The following OR2M3 variants were observed in gnomAD, a reference collection of about 807,000 sequenced individuals.
The protein encoded by OR2M3 is olfactory receptor family 2 subfamily M member 3.
In OR2M3, 1 loss-of-function variant was observed where a neutral mutation model predicts 4.3. That is an observed-to-expected ratio of 0.23 (90% CI 0.08 to 1.11). The LOEUF is 1.11. Among genes scored for constraint, OR2M3 ranks in the 50% most tolerant of loss-of-function variants. The pLI is 0.54. For missense variants in OR2M3, 410 were observed against 390.4 expected, an observed-to-expected ratio of 1.05 and a Z score of -0.42; for synonymous variants, 151 against 139.4, an observed-to-expected ratio of 1.08 and a Z score of -0.59.
chr1:248,203,870 C>T lies in OR2M3; in HGVS notation c.803C>T (p.Pro268Leu). The T allele has an allele frequency of 6.2e-7, 1 of 1,613,786 alleles. No homozygotes were observed. The highest frequency in any genetic ancestry group is 8.5e-7 in the Non-Finnish European group (1 of 1,179,872). ...MYIRPTSDRS[P>L]TQDKMVSVFY... ...ATACGGCCCACATCTGATCGCTCCC[C>T]AACACAGGACAAGATGGTGTCTGTA... The change falls in exon 2 of 2, where the codon CCA becomes CTA. Residue 268 changes from proline to leucine, a missense_variant. By Grantham distance (98) the Pro-to-Leu change is moderately conservative (BLOSUM62 -3). Coordinates refer to ENST00000641626, the MANE Select transcript of OR2M3 (RefSeq NM_001004689.2).
Position 248,203,575 on chromosome 1 carries a change from G to T in OR2M3, c.508G>T (p.Gly170Trp). The change falls in exon 2 of 2, where the codon GGG (glycine) becomes TGG (tryptophan). Residue 170 changes from glycine to tryptophan, a missense_variant. Coordinates refer to ENST00000641626, the MANE Select transcript of OR2M3 (RefSeq NM_001004689.2). ...AGCAACATTTTCCTTCTCCTACTGT[G>T]GGTCTCGGGAAATAGCCCACTTCTT... is the stretch of plus-strand genomic sequence containing the variant. ...VVATFSFSYC[G>W]SREIAHFFCD... is the part of the protein sequence containing the mutation. 6.2e-7 allele frequency: 1 copy of T among 1,613,666 alleles called. No homozygotes were observed. Among genetic ancestry groups the T allele is most frequent in the Non-Finnish European group, 8.5e-7 (1 of 1,179,802 alleles).
In OR2M3 at chr1:248,203,849, G is replaced by A. The variant is rs145845024; in HGVS notation, c.782G>A (p.Arg261Gln). The change falls in exon 2 of 2, where the codon CGG becomes CAG. Residue 261 changes from arginine (R) to glutamine (Q), a missense_variant. Transcript: ENST00000641626. ...YYGAALFMYI[R>Q]PTSDRSPTQD... The stretch of plus-strand genomic sequence containing the variant: ...GGAGCAGCTTTGTTCATGTACATAC[G>A]GCCCACATCTGATCGCTCCCCAACA... 57 of 1,613,276 alleles carry A rather than the reference G, an allele frequency of 3.5e-5. No homozygotes were observed. In the Middle Eastern group the frequency reaches 5.0e-4, roughly 14 times the overall value.
chr1:248,204,772 G>T lies in OR2M3; in HGVS notation c.*766G>T, dbSNP rs1230434628. On this transcript the variant is annotated 3_prime_UTR_variant, in exon 2 of 2. Transcript: ENST00000641626. ...ACATGCATGTGCAGGTATCTTTTTTGTATAATAACTTCTTTTCCTCTGTGT... is the reference window on the plus strand; with the variant it reads ...ACATGCATGTGCAGGTATCTTTTTTTTATAATAACTTCTTTTCCTCTGTGT... The T allele has an allele frequency of 6.6e-6, 1 of 151,868 alleles. No homozygotes were observed. The highest frequency in any genetic ancestry group is 1.9e-4 in the East Asian group (1 of 5,180). The allele number at this position is 151,868 out of a possible 1,614,324, so 9.4% of individuals were successfully genotyped here. A position where few individuals can be genotyped will look rare whatever the true frequency, so the allele number is the denominator to read the frequency against.
In OR2M3 at chr1:248,204,102, A is replaced by C; in HGVS notation, c.*96A>C. On this transcript the variant is annotated 3_prime_UTR_variant, in exon 2 of 2. Transcript: ENST00000641626. ...GCCTTGAAAATGGGATTCATTGTGT[A>C]CATAAATCTGCAATGACATATTTAT... 1 of 1,175,250 alleles carries C rather than the reference A, an allele frequency of 8.5e-7. No individual in the cohort carries two copies. Among genetic ancestry groups the C allele is most frequent in the South Asian group, 1.4e-5 (1 of 73,064 alleles). The allele number at this position is 1,175,250 out of a possible 1,614,324, so 72.8% of individuals were successfully genotyped here. A position where few individuals can be genotyped will look rare whatever the true frequency, so the allele number is the denominator to read the frequency against.
rs943719735 is a variant in OR2M3 at position 248,203,624 on chromosome 1, T to A, written c.557T>A (p.Ile186Asn). 3 of 1,613,832 alleles carry A rather than the reference T, an allele frequency of 1.9e-6. No individual in the cohort carries two copies. The highest frequency in any genetic ancestry group is 3.3e-5 in the Admixed American group (2 of 59,996). The change falls in exon 2 of 2, where the codon ATC becomes AAC. Residue 186 changes from isoleucine to asparagine, a missense_variant. Physicochemically the swap from Ile to Asn is moderately radical, Grantham distance 149. Coordinates refer to ENST00000641626, the MANE Select transcript of OR2M3 (RefSeq NM_001004689.2). ...HFFCDFPSLL[I>N]LSCSDTSIFE... ...TTCTGTGACTTCCCCTCCCTACTAA[T>A]CCTCTCATGCAGTGACACATCAATA...
At chr1:248,200,581 C>G (rs1409086091) in intron 1 of OR2M3, among the ~76,000 whole-genome samples, 10 of 151,970 alleles carry the variant, frequency 6.6e-5, no homozygotes, top group Non-Finnish European at 1.5e-4. Context: ...GAGGTTGAGG[C>G]CTGTTTCTCT....
chr1:248,198,112 A>C (rs1288446157), intron 1 of OR2M3, among the ~76,000 whole-genome samples: 2 of 152,120 alleles, frequency 1.3e-5, no homozygotes, highest in Non-Finnish European at 1.5e-5. Context: ...TCAGAGTATA[A>C]AATGTTTATT....
At position 248,204,007 on chromosome 1, in the gene OR2M3, G is replaced by T; in HGVS notation, c.*1G>T. ...AGGAAAGGGCAAGTCTGGAGAGTGA[G>T]TTACCTAATAAACTTCATGTTTTGC... On this transcript the variant is annotated 3_prime_UTR_variant, in exon 2 of 2. Transcript: ENST00000641626. 1 of 1,613,604 alleles carries T rather than the reference G, an allele frequency of 6.2e-7. No homozygotes were observed. The highest frequency in any genetic ancestry group is 8.5e-7 in the Non-Finnish European group (1 of 1,179,694).
rs1322022067 is a variant in OR2M3, at chr1:248,207,289, T to C, written c.*3283T>C. The C allele has an allele frequency of 1.3e-5, 2 of 152,040 alleles. No homozygotes were observed. The highest frequency in any genetic ancestry group is 6.6e-5 in the Admixed American group (1 of 15,248). The allele number at this position is 152,040 out of a possible 1,614,324, so 9.4% of individuals were successfully genotyped here. ...TGTTTCATTTATCTTTTGTATTTTT[T>C]TTGTTTCAATTTCATTTAGTTCTGC... On this transcript the variant is annotated 3_prime_UTR_variant, in exon 2 of 2. Coordinates refer to ENST00000641626, the MANE Select transcript of OR2M3 (RefSeq NM_001004689.2).
rs745743935 is a variant in OR2M3, at chr1:248,203,160, C to A, written c.93C>A (p.Val31=). Residue 31 remains valine (V), a synonymous_variant, in exon 2 of 2, where the codon GTC becomes GTA. Transcript: ENST00000641626. The stretch of plus-strand genomic sequence containing the variant: ...CCCACACCTTCCTCTTCTTTCTGGT[C>A]CTGGCCATCTTTTCAGTGGCCTTCA... ...SPTHTFLFFL[V]LAIFSVAFMG... 7 of 1,614,052 alleles carry A rather than the reference C, an allele frequency of 4.3e-6. No individual in the cohort carries two copies. Among genetic ancestry groups the A allele is most frequent in the Non-Finnish European group, 5.9e-6 (7 of 1,179,982 alleles).
At position 248,203,087 on chromosome 1, in the gene OR2M3, C is replaced by A. The variant is rs759194079; in HGVS notation, c.20C>A (p.Thr7Asn). The A allele has an allele frequency of 6.8e-6, 11 of 1,613,324 alleles. No homozygotes were observed. Among genetic ancestry groups the A allele is most frequent in the South Asian group, 4.4e-5 (4 of 90,950 alleles). ...CACATCATGGCAAGGGAGAATTCGA[C>A]CTTCAACTCCGACTTCATCCTCCTG... MARENS[T>N]FNSDFILLGI... The change falls in exon 2 of 2, where the codon ACC becomes AAC. Residue 7 changes from threonine (T) to asparagine (N), a missense_variant. By Grantham distance (65) the Thr-to-Asn change is moderately conservative (BLOSUM62 0). Transcript: ENST00000641626.
rs2103014970 is a variant in OR2M3 at position 248,205,898 on chromosome 1, A to G, written c.*1892A>G. The G allele has an allele frequency of 6.6e-6, 1 of 152,154 alleles. No individual in the cohort carries two copies. Among genetic ancestry groups the G allele is most frequent in the East Asian group, 1.9e-4 (1 of 5,180 alleles). 9.4% of individuals were successfully genotyped at this position (152,154 alleles called of 1,614,324 possible). A position where few individuals can be genotyped will look rare whatever the true frequency, so the allele number is the denominator to read the frequency against. On this transcript the variant is annotated 3_prime_UTR_variant, in exon 2 of 2. Coordinates refer to ENST00000641626, the MANE Select transcript of OR2M3 (RefSeq NM_001004689.2). ...TTTTGGCAGCATGGTCATTTTTACA[A>G]TATTGTTTCTACCCATCCATGAGTA...
chr1:248,205,887 T>A lies in OR2M3; in HGVS notation c.*1881T>A, dbSNP rs1666219174. 6.6e-6 allele frequency: 1 copy of A among 152,124 alleles called. No individual in the cohort carries two copies. Among genetic ancestry groups the A allele is most frequent in the Non-Finnish European group, 1.5e-5 (1 of 67,986 alleles). 9.4% of individuals were successfully genotyped at this position (152,124 alleles called of 1,614,324 possible). On this transcript the variant is annotated 3_prime_UTR_variant, in exon 2 of 2. Transcript: ENST00000641626. ...TTGTAAATTGCTTTTGGCAGCATGG[T>A]CATTTTTACAATATTGTTTCTACCC...
chr1:248,210,179 C>T lies in OR2M3; in HGVS notation c.*6173C>T, dbSNP rs1035365015. 2 of 152,144 alleles carry T rather than the reference C, an allele frequency of 1.3e-5. No homozygotes were observed. Among genetic ancestry groups the T allele is most frequent in the African/African-American group, 2.4e-5 (1 of 41,330 alleles). The allele number at this position is 152,144 out of a possible 1,614,324, so 9.4% of individuals were successfully genotyped here. A position where few individuals can be genotyped will look rare whatever the true frequency, so the allele number is the denominator to read the frequency against. On this transcript the variant is annotated 3_prime_UTR_variant, in exon 2 of 2. Coordinates refer to ENST00000641626, the MANE Select transcript of OR2M3 (RefSeq NM_001004689.2). The stretch of plus-strand genomic sequence containing the variant: ...ACAGCCCACAGTCCTAAAGGCCAGT[C>T]GTGCTCCCACCGTGCCCACACAACA...
At chr1:248,201,700 G>GT (rs1216334531) in intron 1 of OR2M3, among the ~76,000 whole-genome samples, 2 of 151,322 alleles carry the variant, frequency 1.3e-5, no homozygotes, top group African/African-American at 2.4e-5. Flanking sequence ...GCGGTGTTTG[G>GT]TTTTTTGTCC....
Position 248,204,899 on chromosome 1 carries a change from AC to A in OR2M3, c.*895del. 1 of 152,190 alleles carries A rather than the reference AC, an allele frequency of 6.6e-6. No homozygotes were observed. Among genetic ancestry groups the A allele is most frequent in the East Asian group, 1.9e-4 (1 of 5,182 alleles). The allele number at this position is 152,190 out of a possible 1,614,324, so 9.4% of individuals were successfully genotyped here. A position where few individuals can be genotyped will look rare whatever the true frequency, so the allele number is the denominator to read the frequency against. On this transcript the variant is annotated 3_prime_UTR_variant, in exon 2 of 2. Transcript: ENST00000641626. ...AGTGGTTGAACTAGTTTGCATTCCC[AC>A]CAGCAGTGTAAAAGTTCCCTTTTGA...
At chr1:248,201,039 T>A (rs1666151366) in intron 1 of OR2M3, among the ~76,000 whole-genome samples, 1 of 152,118 alleles carries the variant, frequency 6.6e-6, no homozygotes, top group Non-Finnish European at 1.5e-5. Flanking sequence ...TCACCAGGCT[T>A]CTTTTTCTGT....
At chr1:248,202,984 A>G (rs868411437) in intron 1 of OR2M3, 66 bp from the exon 2 acceptor site, 2 of 1,401,132 alleles carry the variant, frequency 1.4e-6, no homozygotes, top group African/African-American at 1.4e-5. Flanking sequence ...AGTTACCACA[A>G]TCACATGATT....
In OR2M3 at chr1:248,204,739, T is replaced by G. The variant is rs1666206810; in HGVS notation, c.*733T>G. 6.6e-6 allele frequency: 1 copy of G among 152,144 alleles called. No homozygotes were observed. The highest frequency in any genetic ancestry group is 2.4e-5 in the African/African-American group (1 of 41,428). 9.4% of individuals were successfully genotyped at this position (152,144 alleles called of 1,614,324 possible). Reference sequence around the variant, plus strand: ...ATATTTTTGCAATTGCAAATTGTGCTGCTTTATACATGCATGTGCAGGTAT... The same window carrying G: ...ATATTTTTGCAATTGCAAATTGTGCGGCTTTATACATGCATGTGCAGGTAT... On this transcript the variant is annotated 3_prime_UTR_variant, in exon 2 of 2. Transcript: ENST00000641626.
Sources: gnomAD v4.1 joint callset for allele counts (sites outside exome capture counted in the v4.1 genomes callset) on GRCh38, gnomAD v4.1.1 for gene constraint, MANE v1.5 for transcripts, NCBI Gene and HGNC (gene_info 2026-07-23, HGNC 2026-07-21) for gene names.